The following WDR76 variants were observed in gnomAD, a reference collection of about 807,000 sequenced individuals.
WDR76 encodes the protein WD repeat-containing protein 76.
WDR76 carries 52 observed loss-of-function variants against 70.2 expected under a neutral mutation model. The ratio of observed to expected loss-of-function variants is 0.74; its 90% CI spans 0.59 to 0.93. The LOEUF (loss-of-function observed/expected upper bound fraction) is 0.93, where lower values mean the gene tolerates loss of function less well. Ranked by LOEUF, WDR76 falls within the 40% of genes least tolerant of loss-of-function variation. The probability of loss-of-function intolerance (pLI) is 0.00; values close to 1 mark genes in which losing one functional copy is unlikely to be tolerated. For synonymous variants in WDR76, 292 were observed against 271.1 expected (o/e 1.08, Z -0.76); for missense variants, 756 against 760.2 (o/e 0.99, Z 0.07).
At chr15:43,865,461 C>T (rs1373028916) in intron 12 of WDR76, among the ~76,000 whole-genome samples, 5 of 152,090 alleles carry the variant, frequency 3.3e-5, no homozygotes, top group Admixed American at 6.6e-5. Flanking sequence ...TTAGTAGAGA[C>T]GGGGTTTCAC....
chr15:43,863,559 T>A (rs531222030), intron 12 of WDR76, among the ~76,000 whole-genome samples: 3,347 of 139,094 alleles, frequency 0.024, 64 homozygotes, highest in South Asian at 0.069. Context: ...CTCTCTTTTT[T>A]AAAAAAAAAA....
rs769963294 is a variant in WDR76 at position 43,866,253 on chromosome 15, G to GA, written c.1745dup (p.Arg583GlufsTer30). 1.4e-4 allele frequency: 230 copies of GA among 1,614,052 alleles called. No homozygotes were observed. Among genetic ancestry groups the GA allele is most frequent in the Non-Finnish European group, 1.9e-4 (220 of 1,180,056 alleles). On this transcript the variant is annotated frameshift_variant, in exon 13 of 13. Transcript: ENST00000263795. LOFTEE classifies it high-confidence loss of function. ...CGGGTAGAAATCTTCCATGAGACAGGAAAGAGGGTGCATTCGTTTGGTGGA... is the reference window on the plus strand; with the variant it reads ...CGGGTAGAAATCTTCCATGAGACAGGAAAAGAGGGTGCATTCGTTTGGTGGA...
At chr15:43,827,888 A>T (rs1195783161) in intron 1 of WDR76, 77 bp from the exon 2 acceptor site, 14 of 1,377,450 alleles carry the variant, frequency 1.0e-5, no homozygotes, top group Non-Finnish European at 1.4e-5. Context: ...GAATTATTAG[A>T]TCTGTTAGGG....
At chr15:43,827,378 T>C (rs926369067) in intron 1 of WDR76, among the ~76,000 whole-genome samples, 1 of 152,190 alleles carries the variant, frequency 6.6e-6, no homozygotes, top group Admixed American at 6.5e-5. Context: ...CAGCTGACAG[T>C]TGGGGTATTT....
chr15:43,859,208 T>C (rs542801539), intron 11 of WDR76, among the ~76,000 whole-genome samples: 2 of 152,296 alleles, frequency 1.3e-5, no homozygotes, highest in East Asian at 3.9e-4. Flanking sequence ...CCCCAGACCA[T>C]GGGCAGACAG....
At chr15:43,843,783 AT>A in intron 7 of WDR76, 117 bp from the exon 8 acceptor site, 1 of 898,690 alleles carries the variant, frequency 1.1e-6, no homozygotes, top group Non-Finnish European at 1.6e-6. Context: ...TTACCAGGAG[AT>A]TGAATAGTTC....
At chr15:43,853,977 A>G (rs1475396271) in intron 9 of WDR76, among the ~76,000 whole-genome samples, 2 of 152,178 alleles carry the variant, frequency 1.3e-5, no homozygotes, top group Non-Finnish European at 2.9e-5. Context: ...TCTAAGCATC[A>G]TTATTCATTA....
intron 2 of WDR76, among the ~76,000 whole-genome samples, chr15:43,828,983 A>C (rs1234687092): frequency 2.0e-5 from 3 of 151,608 alleles, no homozygotes; most frequent in Non-Finnish European, 4.4e-5. Context: ...GCTCACTGCA[A>C]CCTCGGCCTC....
At chr15:43,838,023 C>T (rs1246783576) in intron 4 of WDR76, among the ~76,000 whole-genome samples, 7 of 150,998 alleles carry the variant, frequency 4.6e-5, no homozygotes, top group African/African-American at 1.7e-4. Flanking sequence ...CTATAGGCGC[C>T]CGCCACCACG....
intron 8 of WDR76, among the ~76,000 whole-genome samples, chr15:43,846,645 GTTTTTTTTT>G (rs1567187429): frequency 4.5e-5 from 6 of 133,148 alleles, no homozygotes; most frequent in Admixed American, 7.2e-5. Flanking sequence ...TTAAATGAAG[GTTTTTTTTT>G]GGATGAGTTG....
At chr15:43,851,932 T>C (rs1489845656) in intron 9 of WDR76, among the ~76,000 whole-genome samples, 1 of 152,088 alleles carries the variant, frequency 6.6e-6, no homozygotes, top group African/African-American at 2.4e-5. Context: ...TGTGGTGGCA[T>C]GTGCCTGTAG....
chr15:43,828,830 A>G (rs1255478277), intron 2 of WDR76, among the ~76,000 whole-genome samples: 1 of 152,166 alleles, frequency 6.6e-6, no homozygotes, highest in Non-Finnish European at 1.5e-5. Context: ...ATGACAGAGT[A>G]GGTAAGATAC....
At chr15:43,858,570 C>A in intron 10 of WDR76, 101 bp from the exon 11 acceptor site, 1 of 1,429,670 alleles carries the variant, frequency 7.0e-7, no homozygotes, top group Non-Finnish European at 9.5e-7. Context: ...AAATGTTCTT[C>A]AGTATAGCAA....
chr15:43,860,541 G>A (rs893612), intron 11 of WDR76, among the ~76,000 whole-genome samples: 8,352 of 152,202 alleles, frequency 0.055, 750 homozygotes, highest in African/African-American at 0.19. Context: ...CTGGAGTGCA[G>A]TGGCATGATC....
intron 5 of WDR76, among the ~76,000 whole-genome samples, chr15:43,839,998 C>T (rs2087704958): frequency 1.3e-5 from 2 of 152,168 alleles, no homozygotes; most frequent in South Asian, 2.1e-4. Flanking sequence ...GCTGGGATTA[C>T]AGGCACATGC....
In WDR76 at chr15:43,845,886, G is replaced by C. The variant is rs2087782339; in HGVS notation, c.1032+1832G>C. On this transcript the variant is annotated intron_variant, in intron 8 of 12. Transcript: ENST00000263795. ...GAAGGTGAAGAAATAGTGGTGACTT[G>C]AAGTTGGTTGGGGTTTATAAACAAA... Among the ~76,000 whole-genome samples, 2 of 150,364 alleles carry C rather than the reference G, an allele frequency of 1.3e-5. 1 individual carries two copies. Among genetic ancestry groups the C allele is most frequent in the Non-Finnish European group, 3.0e-5 (2 of 67,096 alleles).
In WDR76 at chr15:43,868,212, C is replaced by T. The variant is rs950183726; in HGVS notation, c.*1820C>T. 6.6e-6 allele frequency: 1 copy of T among 152,156 alleles called. No individual in the cohort carries two copies. The highest frequency in any genetic ancestry group is 2.4e-5 in the African/African-American group (1 of 41,440). 9.4% of individuals were successfully genotyped at this position (152,156 alleles called of 1,614,324 possible). ...TATAATTAAACTGTTCAGGAAACAT[C>T]GTAAAGGCTTTAGGCTCCCTTTTTC... is the stretch of plus-strand genomic sequence containing the variant. On this transcript the variant is annotated 3_prime_UTR_variant, in exon 13 of 13. Coordinates refer to ENST00000263795, the MANE Select transcript of WDR76 (RefSeq NM_024908.4).
In WDR76 at chr15:43,858,794, G is replaced by A. The variant is rs1469402514; in HGVS notation, c.1533G>A (p.Val511=). The stretch of plus-strand genomic sequence containing the variant: ...TTTCACCTCTTACTGGTAACAGAGT[G>A]GTGACCACATGTGCTGATTGTAATC... The part of the protein sequence containing the change: ...AYFSPLTGNR[V]VTTCADCNLR... Residue 511 remains valine (V), a synonymous_variant, in exon 11 of 13, where the codon GTG becomes GTA. Transcript: ENST00000263795. 2 of 1,614,156 alleles carry A rather than the reference G, an allele frequency of 1.2e-6. No homozygotes were observed. The highest frequency in any genetic ancestry group is 3.3e-5 in the Admixed American group (2 of 60,018).
intron 8 of WDR76, among the ~76,000 whole-genome samples, chr15:43,847,322 G>A (rs1488341048): frequency 6.6e-6 from 1 of 151,880 alleles, no homozygotes; most frequent in African/African-American, 2.4e-5. Context: ...GTGCTGTGGT[G>A]TGATCCTGGC....
Sources: gnomAD v4.1 joint callset for allele counts (sites outside exome capture counted in the v4.1 genomes callset) on GRCh38, gnomAD v4.1.1 for gene constraint, MANE v1.5 for transcripts, NCBI Gene and HGNC (gene_info 2026-07-23, HGNC 2026-07-21) for gene names.